The following PCDH15 variants were observed in gnomAD, a reference collection of about 807,000 sequenced individuals.
PCDH15 encodes the protein protocadherin-15.
A neutral mutation model predicts 178.5 loss-of-function variants in PCDH15; 129 were observed. The ratio of observed to expected loss-of-function variants is 0.72; its 90% CI spans 0.63 to 0.84. The LOEUF (loss-of-function observed/expected upper bound fraction) is 0.84. PCDH15 is among the 40% of genes least tolerant of loss of function. The pLI, the probability that PCDH15 is intolerant of heterozygous loss-of-function variation, is 0.00. For missense variants in PCDH15, 2,230 were observed against 2,099.9 expected, an observed-to-expected ratio of 1.06 and a Z score of -1.21; for synonymous variants, 800 against 732.0, an observed-to-expected ratio of 1.09 and a Z score of -1.50.
intron 2 of PCDH15, among the ~76,000 whole-genome samples, chr10:54,922,938 T>A (rs76219968): frequency 0.012 from 1,778 of 152,264 alleles, 37 homozygotes; most frequent in African/African-American, 0.039. Context: ...GGACTCTGTG[T>A]GGGCGCTCCA....
chr10:54,824,052 C>T (rs1018007686), intron 3 of PCDH15, among the ~76,000 whole-genome samples: 3 of 152,094 alleles, frequency 2.0e-5, no homozygotes, highest in Non-Finnish European at 4.4e-5. Context: ...CTTTATTGTT[C>T]CAAAGTTTCT....
intron 2 of PCDH15, among the ~76,000 whole-genome samples, chr10:55,146,592 A>C (rs2132095216): frequency 6.6e-6 from 1 of 152,068 alleles, no homozygotes; most frequent in East Asian, 1.9e-4. Flanking sequence ...CATTAATAAA[A>C]CAAGTGTTGT....
chr10:54,407,462 T>C (rs1025800122), intron 3 of PCDH15, among the ~76,000 whole-genome samples: 7 of 152,136 alleles, frequency 4.6e-5, no homozygotes, highest in African/African-American at 1.4e-4. Flanking sequence ...CATTTTTTAA[T>C]CTGGATAATG....
chr10:55,120,831 G>A (rs1354859081), intron 2 of PCDH15, among the ~76,000 whole-genome samples: 2 of 152,112 alleles, frequency 1.3e-5, no homozygotes, highest in Non-Finnish European at 2.9e-5. Flanking sequence ...AATCTTCATG[G>A]CGTTTGCATA....
intron 1 of PCDH15, among the ~76,000 whole-genome samples, chr10:55,297,730 C>G (rs57075228): frequency 0.087 from 13,291 of 152,032 alleles, 1,330 homozygotes; most frequent in African/African-American, 0.25. Flanking sequence ...ATGAAACCAG[C>G]CTATCTGACC....
In PCDH15 at chr10:54,066,804, A is replaced by C. The variant is rs1565170897; in HGVS notation, c.2173T>G (p.Leu725Val). The C allele has an allele frequency of 1.2e-6, 2 of 1,613,468 alleles. No homozygotes were observed. Among genetic ancestry groups the C allele is most frequent in the Non-Finnish European group, 1.7e-6 (2 of 1,179,614 alleles). The change falls in exon 18 of 38, where the codon TTA becomes GTA. Residue 725 changes from leucine (L) to valine (V), a missense_variant. Transcript: ENST00000644397. ...TTGGCTTCTTCTTCCACCACAGATA[A>C]ATTTCTTGGCAGATAAGGATCAAAC... ...PVFDPYLPRN[L>V]SVVEEEANAF... is the part of the protein sequence containing the mutation.
intron 2 of PCDH15, among the ~76,000 whole-genome samples, chr10:55,060,503 T>A (rs1239105392): frequency 6.6e-6 from 1 of 151,968 alleles, no homozygotes; most frequent in Non-Finnish European, 1.5e-5. Context: ...GCTAATTTTG[T>A]GAAAGGACCA....
intron 2 of PCDH15, among the ~76,000 whole-genome samples, chr10:55,520,035 CATATATATACATAT>C (rs1468297792): frequency 8.6e-5 from 12 of 139,738 alleles, no homozygotes; most frequent in African/African-American, 1.9e-4. Flanking sequence ...ATATATATGC[CATATATATACATAT>C]ATATATATAC....
At chr10:53,918,557 T>G (rs1420462911) in intron 25 of PCDH15, among the ~76,000 whole-genome samples, 1 of 152,204 alleles carries the variant, frequency 6.6e-6, no homozygotes, top group Non-Finnish European at 1.5e-5. Context: ...CCTTCTATAT[T>G]TGGATATCAA....
chr10:54,371,793 C>A (rs1267557355), intron 4 of PCDH15, among the ~76,000 whole-genome samples: 1 of 151,892 alleles, frequency 6.6e-6, no homozygotes, highest in Non-Finnish European at 1.5e-5. Context: ...CTTCCAAATA[C>A]TTTTCCTCTG....
At chr10:55,112,234 G>A (rs1837526623) in intron 2 of PCDH15, among the ~76,000 whole-genome samples, 1 of 152,092 alleles carries the variant, frequency 6.6e-6, no homozygotes, top group Admixed American at 6.6e-5. Flanking sequence ...GAGGTAAATT[G>A]ATCATAAGGG....
intron 25 of PCDH15, among the ~76,000 whole-genome samples, chr10:53,938,387 A>G (rs551465379): frequency 6.6e-6 from 1 of 152,294 alleles, no homozygotes; most frequent in East Asian, 1.9e-4. Flanking sequence ...ATTACAATAA[A>G]TGTTAGTCGC....
intron 2 of PCDH15, among the ~76,000 whole-genome samples, chr10:54,631,453 A>C (rs1216873241): frequency 6.6e-6 from 1 of 152,296 alleles, no homozygotes; most frequent in Non-Finnish European, 1.5e-5. Context: ...TATACACTCT[A>C]GGTTTGAATG....
At chr10:54,226,099 C>G (rs1252552448) in intron 9 of PCDH15, among the ~76,000 whole-genome samples, 2 of 152,136 alleles carry the variant, frequency 1.3e-5, no homozygotes, top group African/African-American at 4.8e-5. Flanking sequence ...TGTTTTAGTC[C>G]ATTTTCACAC....
intron 18 of PCDH15, among the ~76,000 whole-genome samples, chr10:54,047,886 T>C (rs1454504249): frequency 2.0e-5 from 3 of 152,166 alleles, no homozygotes; most frequent in East Asian, 1.9e-4. Context: ...TACAAGTGCA[T>C]GTGTCTTTTT....
In PCDH15 at chr10:54,348,992, G is replaced by A. The variant is rs371333217; in HGVS notation, c.475-2508C>T. 3.9e-5 allele frequency among the ~76,000 whole-genome samples: 6 copies of A among 152,116 alleles called. No individual in the cohort carries two copies. In the East Asian group the frequency reaches 1.2e-3, roughly 29 times the overall value. ...CAGGTTTATCCATAATTTTCAAACT[G>A]TGAAATTTTATGATTGGATGACATT... is the stretch of plus-strand genomic sequence containing the variant. On this transcript the variant is annotated intron_variant, in intron 5 of 37. Coordinates refer to ENST00000644397, the MANE Select transcript of PCDH15 (RefSeq NM_001384140.1).
intron 2 of PCDH15, among the ~76,000 whole-genome samples, chr10:54,581,597 A>G (rs1477179922): frequency 6.6e-6 from 1 of 152,130 alleles, no homozygotes; most frequent in African/African-American, 2.4e-5. Context: ...ATATAGAACA[A>G]AAAATAGCCT....
At chr10:54,600,230 A>G in intron 2 of PCDH15, 3 of 584,554 alleles carry the variant, frequency 5.1e-6, no homozygotes, top group South Asian at 3.4e-5. Context: ...ACCAAAGAAG[A>G]GGGAAGCCAC....
At chr10:55,282,656 T>C in intron 1 of PCDH15, among the ~76,000 whole-genome samples, 1 of 152,210 alleles carries the variant, frequency 6.6e-6, no homozygotes, top group Admixed American at 6.6e-5. Context: ...TATAATTTTT[T>C]GTTCTTATAA....
Sources: gnomAD v4.1 joint callset for allele counts (sites outside exome capture counted in the v4.1 genomes callset) on GRCh38, gnomAD v4.1.1 for gene constraint, MANE v1.5 for transcripts, NCBI Gene and HGNC (gene_info 2026-07-23, HGNC 2026-07-21) for gene names.